The following ZNF514 variants were observed in gnomAD, a reference collection of about 807,000 sequenced individuals.
ZNF514 encodes zinc finger protein 514.
Under a neutral mutation model 9.7 loss-of-function variants are expected in ZNF514, and 12 were observed. That is an observed-to-expected ratio of 1.24 (90% CI 0.79 to 2.01). The LOEUF (loss-of-function observed/expected upper bound fraction) is 2.01, where lower values mean the gene tolerates loss of function less well. Ranked by LOEUF, ZNF514 falls within the 30% of genes most tolerant of loss-of-function variation. The pLI, the probability that ZNF514 is intolerant of heterozygous loss-of-function variation, is 0.00. For synonymous variants in ZNF514, 158 were observed against 163.7 expected (o/e 0.97, Z 0.27); for missense variants, 467 against 465.5 (o/e 1.00, Z -0.03).
rs1179925133 is a variant in ZNF514, at chr2:95,157,370, A to G, written c.-26T>C. ...ACTCACCCGAGGCCTGGCTTTCAGG[A>G]ATGAATTGGTTGTTCCCTCTTCTCC... On this transcript the variant is annotated 5_prime_UTR_variant, in exon 2 of 5. Transcript: ENST00000295208. The G allele has an allele frequency of 3.1e-6, 4 of 1,289,574 alleles. No homozygotes were observed. Among genetic ancestry groups the G allele is most frequent in the Non-Finnish European group, 4.0e-6 (4 of 988,798 alleles). 79.9% of individuals were successfully genotyped at this position (1,289,574 alleles called of 1,614,324 possible).
the ZNF514 span, among the ~76,000 whole-genome samples, chr2:95,123,584 C>T: frequency 6.6e-6 from 1 of 152,216 alleles, no homozygotes; most frequent in African/African-American, 2.4e-5. Context: ...TTTTCTTCTT[C>T]AGGCAACTGG....
chr2:95,130,536 C>T, the ZNF514 span, among the ~76,000 whole-genome samples: 12 of 152,020 alleles, frequency 7.9e-5, no homozygotes, highest in Non-Finnish European at 1.2e-4. Flanking sequence ...AGGTATGCCC[C>T]GGGGGGGCCG....
At chr2:95,134,070 T>G in the ZNF514 span, among the ~76,000 whole-genome samples, 1 of 152,202 alleles carries the variant, frequency 6.6e-6, no homozygotes, top group African/African-American at 2.4e-5. Flanking sequence ...CAGCTGACCA[T>G]GAGAATGGAT....
At chr2:95,127,171 C>T in the ZNF514 span, among the ~76,000 whole-genome samples, 2 of 152,144 alleles carry the variant, frequency 1.3e-5, no homozygotes, top group Non-Finnish European at 2.9e-5. Flanking sequence ...ATTAGCTGTA[C>T]GTTTTTGGTA....
chr2:95,152,342 C>T (rs897008475), intron 4 of ZNF514, among the ~76,000 whole-genome samples: 1 of 151,888 alleles, frequency 6.6e-6, no homozygotes, highest in Non-Finnish European at 1.5e-5. Flanking sequence ...TCACTAACTC[C>T]CTTAACTCTG....
chr2:95,140,117 C>T (rs1013080311), downstream of ZNF514, among the ~76,000 whole-genome samples: 1 of 151,848 alleles, frequency 6.6e-6, no homozygotes, highest in African/African-American at 2.4e-5. Context: ...AAATCACACA[C>T]CGGGGCCTGT....
chr2:95,150,418 T>G, intron 4 of ZNF514, 151 bp from the exon 5 acceptor site: 1 of 847,848 alleles, frequency 1.2e-6, no homozygotes, highest in Non-Finnish European at 1.7e-6. Flanking sequence ...TAATGGCTTA[T>G]GTCTGAAGAT....
chr2:95,126,371 CAA>C, the ZNF514 span, among the ~76,000 whole-genome samples: 2 of 51,432 alleles, frequency 3.9e-5, no homozygotes, highest in African/African-American at 1.5e-4. Context: ...AACTCCATCT[CAA>C]AAAAAAAAAA....
the ZNF514 span, among the ~76,000 whole-genome samples, chr2:95,124,610 C>T: frequency 4.0e-5 from 6 of 151,790 alleles, no homozygotes; most frequent in Non-Finnish European, 8.8e-5. Flanking sequence ...AGGCGATTCT[C>T]GTGCCTCAGT....
chr2:95,134,204 G>A, the ZNF514 span, among the ~76,000 whole-genome samples: 1 of 151,998 alleles, frequency 6.6e-6, no homozygotes, highest in Non-Finnish European at 1.5e-5. Flanking sequence ...GTTCTTTCTG[G>A]TGGTCCCTGG....
chr2:95,143,108 A>G (rs1487555620), downstream of ZNF514, among the ~76,000 whole-genome samples: 3 of 152,240 alleles, frequency 2.0e-5, no homozygotes, highest in Non-Finnish European at 4.4e-5. Flanking sequence ...TAGAACAAAA[A>G]GATCAAGAAG....
At chr2:95,129,116 G>T in the ZNF514 span, among the ~76,000 whole-genome samples, 1 of 152,212 alleles carries the variant, frequency 6.6e-6, no homozygotes, top group South Asian at 2.1e-4. Context: ...CCAAAACACT[G>T]ACTCTGAAAG....
chr2:95,140,089 T>C (rs540628783), downstream of ZNF514, among the ~76,000 whole-genome samples: 8 of 151,970 alleles, frequency 5.3e-5, no homozygotes, highest in South Asian at 1.7e-3. Context: ...GTGAGAACAC[T>C]TGGACACAGG....
intron 2 of ZNF514, among the ~76,000 whole-genome samples, chr2:95,156,774 G>A (rs1673697531): frequency 1.3e-5 from 2 of 152,098 alleles, no homozygotes; most frequent in Admixed American, 1.3e-4. Flanking sequence ...ACTCATCCAA[G>A]GCCACACAGC....
the ZNF514 span, among the ~76,000 whole-genome samples, chr2:95,132,553 A>G: frequency 6.6e-6 from 1 of 152,076 alleles, no homozygotes; most frequent in Admixed American, 6.6e-5. Context: ...ATTCTGGAAA[A>G]CATTTTGGCA....
chr2:95,159,023 A>ATC, intron 1 of ZNF514: 1 of 1,260,012 alleles, frequency 7.9e-7, no homozygotes, highest in Non-Finnish European at 1.0e-6. Flanking sequence ...CTAGGTCCAA[A>ATC]TCTCTGTCTT....
chr2:95,156,872 C>T (rs1673701052), intron 2 of ZNF514, among the ~76,000 whole-genome samples: 1 of 152,172 alleles, frequency 6.6e-6, no homozygotes. Flanking sequence ...GCCTGCCCAC[C>T]TGTCCATACC....
chr2:95,135,955 T>C, the ZNF514 span, among the ~76,000 whole-genome samples: 1 of 151,790 alleles, frequency 6.6e-6, no homozygotes, highest in Admixed American at 6.6e-5. Flanking sequence ...TCCCAGCTAC[T>C]CGGGAGGCTG....
chr2:95,128,130 C>T, the ZNF514 span, among the ~76,000 whole-genome samples: 2 of 152,044 alleles, frequency 1.3e-5, no homozygotes, highest in Non-Finnish European at 2.9e-5. Context: ...TGATGGCTCA[C>T]GCCTGTAATC....
Sources: gnomAD v4.1 joint callset for allele counts (sites outside exome capture counted in the v4.1 genomes callset) on GRCh38, gnomAD v4.1.1 for gene constraint, MANE v1.5 for transcripts, NCBI Gene and HGNC (gene_info 2026-07-23, HGNC 2026-07-21) for gene names.